Variants in RCAN2 observed in about 807,000 individuals in gnomAD.
The protein encoded by RCAN2 is calcipressin-2.
In RCAN2, 9 loss-of-function variants were observed where a neutral mutation model predicts 23.6. That is an observed-to-expected ratio of 0.38 (90% confidence interval 0.23 to 0.67). RCAN2 has a LOEUF of 0.67. RCAN2 is among the 30% of genes least tolerant of loss of function. RCAN2 has a pLI of 0.51. For synonymous variants in RCAN2, 109 were observed against 115.7 expected, an observed-to-expected ratio of 0.94 and a Z score of 0.37; for missense variants, 273 against 302.3, an observed-to-expected ratio of 0.90 and a Z score of 0.72.
At chr6:46,332,803 T>C (rs1343274994) in intron 2 of RCAN2, among the ~76,000 whole-genome samples, 1 of 152,236 alleles carries the variant, frequency 6.6e-6, no homozygotes, top group Non-Finnish European at 1.5e-5. Flanking sequence ...GCATGATTTA[T>C]AGTCCTTTGG....
intron 3 of RCAN2, among the ~76,000 whole-genome samples, chr6:46,247,283 G>A (rs4714905): frequency 0.7 from 106,299 of 152,060 alleles, 38,872 homozygotes; most frequent in Non-Finnish European, 0.81. Context: ...CCACGCACCT[G>A]CCAAATGTTT....
Position 46,475,196 on chromosome 6 carries a change from G to A in RCAN2, c.-3+15977C>T, listed in dbSNP as rs114145934. Among the ~76,000 whole-genome samples the A allele has an allele frequency of 9.3e-3, 1,422 of 152,232 alleles. 20 individuals carry two copies. The highest frequency in any genetic ancestry group is 0.032 in the African/African-American group (1,345 of 41,544). On this transcript the variant is annotated intron_variant, in intron 1 of 4. Transcript: ENST00000371374. ...TCAGGGCTCTATGACTATTGGTTAC[G>A]GAGGGGAGAAACCCTCTAATAGCTG...
chr6:46,293,839 G>A (rs982249452), intron 2 of RCAN2, among the ~76,000 whole-genome samples: 1 of 152,222 alleles, frequency 6.6e-6, no homozygotes, highest in African/African-American at 2.4e-5. Flanking sequence ...TTTTGAAAGT[G>A]AGCAGGAGTT....
chr6:46,279,102 A>C (rs1475706168), intron 2 of RCAN2, among the ~76,000 whole-genome samples: 2 of 152,092 alleles, frequency 1.3e-5, no homozygotes, highest in Non-Finnish European at 2.9e-5. Context: ...ATAGGTACTA[A>C]ATTTTTTTGG....
At chr6:46,280,991 TC>T (rs1250936244) in intron 2 of RCAN2, among the ~76,000 whole-genome samples, 1 of 152,180 alleles carries the variant, frequency 6.6e-6, no homozygotes, top group African/African-American at 2.4e-5. Context: ...TCAGTACAGT[TC>T]TAGAGTACGC....
intron 2 of RCAN2, among the ~76,000 whole-genome samples, chr6:46,304,165 T>C (rs890699793): frequency 3.3e-5 from 5 of 152,154 alleles, no homozygotes; most frequent in Admixed American, 1.3e-4. Flanking sequence ...TGTTTAATTA[T>C]GGCTTTAATT....
chr6:46,410,468 G>C (rs1245189121), intron 2 of RCAN2, among the ~76,000 whole-genome samples: 1 of 152,162 alleles, frequency 6.6e-6, no homozygotes, highest in Non-Finnish European at 1.5e-5. Flanking sequence ...AGGTAACCAG[G>C]ATTGGTGAGA....
chr6:46,377,429 G>A (rs1765507324), intron 2 of RCAN2, among the ~76,000 whole-genome samples: 1 of 152,192 alleles, frequency 6.6e-6, no homozygotes, highest in Non-Finnish European at 1.5e-5. Flanking sequence ...GTAATTCCCA[G>A]TGGAACTACC....
chr6:46,279,410 A>G (rs1460648791), intron 2 of RCAN2, among the ~76,000 whole-genome samples: 1 of 152,162 alleles, frequency 6.6e-6, no homozygotes, highest in African/African-American at 2.4e-5. Flanking sequence ...GGTCCAGATA[A>G]TTCTTTGTTA....
intron 2 of RCAN2, among the ~76,000 whole-genome samples, chr6:46,339,242 T>A (rs930880190): frequency 6.6e-6 from 1 of 152,072 alleles, no homozygotes; most frequent in African/African-American, 2.4e-5. Context: ...TGATGTGGTA[T>A]TATGTAATAT....
intron 2 of RCAN2, among the ~76,000 whole-genome samples, chr6:46,267,965 A>G (rs553499390): frequency 6.6e-6 from 1 of 152,134 alleles, no homozygotes; most frequent in Non-Finnish European, 1.5e-5. Context: ...GCAAATTTAT[A>G]AAATATTATA....
chr6:46,356,570 A>G (rs977935185), intron 2 of RCAN2, among the ~76,000 whole-genome samples: 6 of 152,182 alleles, frequency 3.9e-5, no homozygotes, highest in African/African-American at 9.6e-5. Flanking sequence ...TATGGATGCA[A>G]CTGGTGTGGT....
intron 4 of RCAN2, among the ~76,000 whole-genome samples, chr6:46,224,808 CT>C (rs1441144542): frequency 2.6e-5 from 4 of 151,124 alleles, no homozygotes; most frequent in Non-Finnish European, 5.9e-5. Flanking sequence ...TTTTATTATA[CT>C]TTAACTTCTA....
At chr6:46,487,654 A>G (rs1769032628) in intron 1 of RCAN2, among the ~76,000 whole-genome samples, 1 of 152,236 alleles carries the variant, frequency 6.6e-6, no homozygotes. Flanking sequence ...ATGTCTAAAG[A>G]AAAGAAACTG....
intron 2 of RCAN2, among the ~76,000 whole-genome samples, chr6:46,374,496 T>G (rs1400597665): frequency 6.6e-6 from 1 of 152,228 alleles, no homozygotes; most frequent in Non-Finnish European, 1.5e-5. Context: ...TTGTGATGCT[T>G]GATGCTTGAT....
At chr6:46,458,674 C>T (rs927479904) in intron 1 of RCAN2, among the ~76,000 whole-genome samples, 2 of 151,896 alleles carry the variant, frequency 1.3e-5, no homozygotes, top group African/African-American at 4.8e-5. Context: ...CATGTAATAG[C>T]ATTAATATAA....
chr6:46,422,711 C>A (rs1766917338), intron 2 of RCAN2, among the ~76,000 whole-genome samples: 1 of 152,012 alleles, frequency 6.6e-6, no homozygotes, highest in Non-Finnish European at 1.5e-5. Context: ...GAAGCCAAGG[C>A]TATGGGAACA....
chr6:46,339,002 G>A (rs1280428951), intron 2 of RCAN2, among the ~76,000 whole-genome samples: 4 of 107,190 alleles, frequency 3.7e-5, no homozygotes, highest in Admixed American at 2.7e-4. Flanking sequence ...GTGACAAAGC[G>A]AGACCCTGTC....
intron 3 of RCAN2, 37 bp from the exon 4 acceptor site, chr6:46,246,956 C>A: frequency 6.8e-7 from 1 of 1,467,690 alleles, no homozygotes; most frequent in Non-Finnish European, 9.1e-7. Context: ...ACTTATTCAT[C>A]ATGGCTTCAG....
Sources: allele counts gnomAD v4.1 joint callset (sites outside exome capture counted in the v4.1 genomes callset), GRCh38; gene constraint gnomAD v4.1.1; transcripts MANE v1.5; gene names NCBI Gene and HGNC (gene_info 2026-07-23, HGNC 2026-07-21).